Variants in PRKCB observed in about 807,000 individuals in gnomAD.
PRKCB encodes the protein protein kinase C beta.
PRKCB carries 13 observed loss-of-function variants against 81.5 expected under a neutral mutation model. That is an observed-to-expected ratio of 0.16 (90% CI 0.10 to 0.25). PRKCB has a LOEUF of 0.25. Among genes scored for constraint, PRKCB ranks in the 10% least tolerant of loss-of-function variants. PRKCB has a pLI of 1.00. For missense variants in PRKCB, 509 were observed against 875.7 expected, an observed-to-expected ratio of 0.58 and a Z score of 5.29; for synonymous variants, 335 against 321.4, an observed-to-expected ratio of 1.04 and a Z score of -0.45.
chr16:24,141,556 G>A (rs557386251), intron 9 of PRKCB, among the ~76,000 whole-genome samples: 6 of 152,258 alleles, frequency 3.9e-5, no homozygotes, highest in Non-Finnish European at 8.8e-5. Flanking sequence ...TCAGAGATGA[G>A]GTAGCTTAAG....
Position 24,021,423 on chromosome 16 carries a change from G to C in PRKCB, c.289-10713G>C, listed in dbSNP as rs991673852. Among the ~76,000 whole-genome samples the C allele has an allele frequency of 4.3e-5, 6 of 141,056 alleles. 1 individual carries two copies. The highest frequency in any genetic ancestry group is 3.8e-4 in the Admixed American group (5 of 13,114). The allele number at this position is 141,056 out of a possible 152,430, so 92.5% of individuals were successfully genotyped here. A position where few individuals can be genotyped will look rare whatever the true frequency, so the allele number is the denominator to read the frequency against. ...GTGCTTCCTTTCCTCTTAGCTGCCT[G>C]TGTCTGGGATTAAGTGATGACCTAG... On this transcript the variant is annotated intron_variant, in intron 3 of 16. Transcript: ENST00000643927.
chr16:24,016,090 C>T (rs1357590534), intron 3 of PRKCB, among the ~76,000 whole-genome samples: 1 of 152,048 alleles, frequency 6.6e-6, no homozygotes, highest in Non-Finnish European at 1.5e-5. Context: ...ATATTGTTAT[C>T]CCCTAGGGAT....
chr16:24,181,071 C>G (rs567725953), intron 13 of PRKCB, 143 bp downstream of exon 13: 1 of 1,070,182 alleles, frequency 9.3e-7, no homozygotes, highest in Admixed American at 3.1e-5. Flanking sequence ...TAAATCCTCC[C>G]TTTGAGATCA....
chr16:24,108,337 T>A (rs1966606756), intron 7 of PRKCB, among the ~76,000 whole-genome samples: 1 of 148,056 alleles, frequency 6.8e-6, no homozygotes, highest in Admixed American at 6.6e-5. Context: ...TATTTTATTT[T>A]TTTTTAAATT....
At chr16:24,046,144 T>G (rs1965761206) in intron 5 of PRKCB, among the ~76,000 whole-genome samples, 1 of 152,260 alleles carries the variant, frequency 6.6e-6, no homozygotes, top group Non-Finnish European at 1.5e-5. Context: ...GGTGAAGGCA[T>G]GTCTCTGGGG....
chr16:24,066,404 ATTGAG>A (rs1287591209), intron 5 of PRKCB, among the ~76,000 whole-genome samples: 2 of 152,290 alleles, frequency 1.3e-5, no homozygotes, highest in East Asian at 3.9e-4. Context: ...TAAGCCATGC[ATTGAG>A]TTATTAATTT....
At chr16:24,066,362 G>A (rs964949555) in intron 5 of PRKCB, among the ~76,000 whole-genome samples, 3 of 152,092 alleles carry the variant, frequency 2.0e-5, no homozygotes, top group African/African-American at 7.2e-5. Context: ...TCAGCTCACT[G>A]ATTTGCCTTC....
intron 7 of PRKCB, among the ~76,000 whole-genome samples, chr16:24,094,829 AAGG>A (rs1966419598): frequency 6.8e-6 from 1 of 146,448 alleles, no homozygotes; most frequent in Non-Finnish European, 1.5e-5. Context: ...GGAAGGAAGG[AAGG>A]AAGGAAGGAA....
chr16:24,204,264 G>A (rs528796450), intron 16 of PRKCB, among the ~76,000 whole-genome samples: 1 of 152,252 alleles, frequency 6.6e-6, no homozygotes, highest in South Asian at 2.1e-4. Context: ...GTTGGAGCCA[G>A]GATTGGTACC....
chr16:24,088,683 C>A (rs577073603), intron 5 of PRKCB, among the ~76,000 whole-genome samples: 1 of 144,940 alleles, frequency 6.9e-6, no homozygotes, highest in Non-Finnish European at 1.5e-5. Context: ...GAGCCGTGAT[C>A]GCGCCACCGC....
intron 3 of PRKCB, among the ~76,000 whole-genome samples, chr16:23,993,993 C>T (rs766934684): frequency 5.9e-5 from 9 of 152,146 alleles, no homozygotes; most frequent in Non-Finnish European, 8.8e-5. Context: ...AGTTTATAGA[C>T]CCAGAACCCT....
At chr16:23,936,757 C>T (rs1290948826) in intron 2 of PRKCB, among the ~76,000 whole-genome samples, 1 of 151,944 alleles carries the variant, frequency 6.6e-6, no homozygotes, top group Non-Finnish European at 1.5e-5. Context: ...ATGGATAATT[C>T]ATAATTTATT....
intron 8 of PRKCB, among the ~76,000 whole-genome samples, chr16:24,121,816 G>T (rs1472030029): frequency 6.6e-6 from 1 of 152,220 alleles, no homozygotes; most frequent in Non-Finnish European, 1.5e-5. Flanking sequence ...TGTGTTGTGT[G>T]CCAGGAATGA....
At chr16:23,968,570 C>G (rs1005475644) in intron 2 of PRKCB, among the ~76,000 whole-genome samples, 1 of 152,162 alleles carries the variant, frequency 6.6e-6, no homozygotes, top group Non-Finnish European at 1.5e-5. Context: ...CTTCACCTCT[C>G]CCATTGCCTG....
intron 3 of PRKCB, among the ~76,000 whole-genome samples, chr16:24,007,838 T>G (rs8056355): frequency 0.33 from 50,268 of 151,978 alleles, 8,644 homozygotes; most frequent in African/African-American, 0.41. Context: ...GCCTTGGAGA[T>G]AGGCAGCCAG....
intron 8 of PRKCB, among the ~76,000 whole-genome samples, chr16:24,121,584 C>T (rs183220195): frequency 1.4e-3 from 208 of 152,192 alleles, no homozygotes; most frequent in African/African-American, 4.6e-3. Context: ...GCTGTGTTGC[C>T]CAGGCTGGTC....
chr16:23,942,593 C>T (rs1964152996), intron 2 of PRKCB, among the ~76,000 whole-genome samples: 1 of 152,174 alleles, frequency 6.6e-6, no homozygotes, highest in Non-Finnish European at 1.5e-5. Flanking sequence ...ACTTAAACTC[C>T]ACTTCTTTGA....
chr16:23,897,815 T>TCCCTCTCTCC (rs781226248), intron 2 of PRKCB, among the ~76,000 whole-genome samples: 48 of 152,190 alleles, frequency 3.2e-4, no homozygotes, highest in Middle Eastern at 3.4e-3. Flanking sequence ...CATTTCTCTT[T>TCCCTCTCTCC]CCCTCTCTCC....
At chr16:24,011,353 T>G (rs1410586297) in intron 3 of PRKCB, among the ~76,000 whole-genome samples, 1 of 152,186 alleles carries the variant, frequency 6.6e-6, no homozygotes, top group Non-Finnish European at 1.5e-5. Flanking sequence ...TTCTGATACT[T>G]TCAGGGGTAG....
Sources: allele counts gnomAD v4.1 joint callset (sites outside exome capture counted in the v4.1 genomes callset), GRCh38; gene constraint gnomAD v4.1.1; transcripts MANE v1.5; gene names NCBI Gene and HGNC (gene_info 2026-07-23, HGNC 2026-07-21).